SPATA31A7: variants seen among roughly 807,000 people sequenced by gnomAD.
SPATA31A7 encodes spermatogenesis-associated protein 31A7.
Under a neutral mutation model 40.5 loss-of-function variants are expected in SPATA31A7, and 2 were observed. The observed-to-expected ratio is 0.05, with a 90% CI of 0.02 to 0.16. The LOEUF (loss-of-function observed/expected upper bound fraction) is 0.16. SPATA31A7 is among the 10% of genes least tolerant of loss of function. The pLI is 1.00. For missense variants in SPATA31A7, 36 were observed against 590.3 expected (o/e 0.06, Z 9.73); for synonymous variants, 17 against 231.9 (o/e 0.07, Z 8.42).
exon 4 of SPATA31A7, chr9:61,193,970 T>G: frequency 6.6e-7 from 1 of 1,507,156 alleles, no homozygotes. Flanking sequence ...AGCTTCGGGA[T>G]GAATCACCAG....
In SPATA31A7 at chr9:61,192,147, ACTTCCC is replaced by A. The variant is rs1826828774; in HGVS notation, c.308+15_308+20del. On this transcript the variant is annotated intron_variant, in intron 3 of 3. Transcript: ENST00000619167. ...GCTTTCACAACTGCAGAGGTGAGGC[ACTTCCC>A]CTTCCCTGCATCCTTCCTACCAGGG... 1 of 1,547,534 alleles carries A rather than the reference ACTTCCC, an allele frequency of 6.5e-7. No homozygotes were observed. Among genetic ancestry groups the A allele is most frequent in the Non-Finnish European group, 8.7e-7 (1 of 1,147,770 alleles).
exon 4 of SPATA31A7, chr9:61,193,908 A>T: frequency 1.3e-6 from 1 of 797,706 alleles, no homozygotes; most frequent in Non-Finnish European, 1.8e-6. Flanking sequence ...AAAGTGGATC[A>T]TCCAACACTG....
chr9:61,194,079 AG>A lies in SPATA31A7; in HGVS notation c.1996del (p.Asp666ThrfsTer21). ...ACAGAAGGTGAAGTTCCAGCTAGAG[AG>A]GGACCCGTGCCCACATCTGGGGCAA... On this transcript the variant is annotated frameshift_variant, in exon 4 of 4. Coordinates refer to ENST00000619167, the Ensembl canonical transcript of SPATA31A7. LOFTEE classifies it high-confidence loss of function. 7.2e-7 allele frequency: 1 copy of A among 1,386,196 alleles called. No homozygotes were observed. Among genetic ancestry groups the A allele is most frequent in the Non-Finnish European group, 9.6e-7 (1 of 1,044,982 alleles). 85.9% of individuals were successfully genotyped at this position (1,386,196 alleles called of 1,614,324 possible).
Position 61,192,461 on chromosome 9 carries a change from G to A in SPATA31A7, c.375G>A (p.Glu125=), listed in dbSNP as rs1457653214. ...TCTCCGGTCCAGACCCCCCAGGTGA[G>A]GTGGGTGAAAGAGCACCTGATGGAG... Residue 125 remains glutamate (E), a synonymous_variant, in exon 4 of 4, where the codon GAG becomes GAA. Coordinates refer to ENST00000619167, the Ensembl canonical transcript of SPATA31A7. 2.8e-5 allele frequency: 44 copies of A among 1,588,794 alleles called. 5 individuals are homozygous for A. The highest frequency in any genetic ancestry group is 6.9e-5 in the East Asian group (3 of 43,584).
rs1189577503 is a variant in SPATA31A7, at chr9:61,191,868, TG to T, written c.248-205del. On this transcript the variant is annotated intron_variant, in intron 2 of 3. Coordinates refer to ENST00000619167, the Ensembl canonical transcript of SPATA31A7. Reference sequence around the variant, plus strand: ...AGGGCAGTTGTGAGGACTGTGGGGGTGGGGGGTCCGTGTGTGGAAGCCCTTT... The same window carrying T: ...AGGGCAGTTGTGAGGACTGTGGGGGTGGGGGTCCGTGTGTGGAAGCCCTTT... The T allele has an allele frequency of 1.6e-5, 11 of 700,422 alleles. 1 individual carries two copies. Among genetic ancestry groups the T allele is most frequent in the Middle Eastern group, 8.5e-4 (2 of 2,366 alleles). The allele number at this position is 700,422 out of a possible 1,614,324, so 43.4% of individuals were successfully genotyped here.
Position 61,192,127 on chromosome 9 carries a change from C to G in SPATA31A7, c.296C>G (p.Ser99Ter). The G allele has an allele frequency of 6.5e-7, 1 of 1,543,258 alleles. No individual in the cohort carries two copies. The highest frequency in any genetic ancestry group is 2.4e-5 in the East Asian group (1 of 41,160). ...CTGGAGGAGACTTCGGACCTGCTTT[C>G]ACAACTGCAGAGGTGAGGCACTTCC... The change falls in exon 3 of 4, where the codon TCA (serine) becomes TGA (stop). Residue 99 changes from serine to a stop codon, truncating the protein, a stop_gained. Transcript: ENST00000619167. LOFTEE classifies it high-confidence loss of function.
chr9:61,192,456 G>C, exon 4 of SPATA31A7: 1 of 1,588,946 alleles, frequency 6.3e-7, no homozygotes, highest in South Asian at 1.1e-5. Context: ...AGACCCCCCA[G>C]GTGAGGTGGG....
chr9:61,191,442 G>T lies in SPATA31A7; in HGVS notation c.190-11G>T. 1 of 1,384,174 alleles carries T rather than the reference G, an allele frequency of 7.2e-7. No homozygotes were observed. Among genetic ancestry groups the T allele is most frequent in the Non-Finnish European group, 9.6e-7 (1 of 1,040,066 alleles). The allele number at this position is 1,384,174 out of a possible 1,614,324, so 85.7% of individuals were successfully genotyped here. On this transcript the variant is annotated splice_polypyrimidine_tract_variant and intron_variant, in intron 1 of 3. Coordinates refer to ENST00000619167, the Ensembl canonical transcript of SPATA31A7. ...CGTCATCTTGTCTCCGTACGTCATC[G>T]TGTCTCCCAGTGTCCAGTAGGGCGG...
At chr9:61,191,146 AGGTGATC>A in intron 1 of SPATA31A7, 1 of 248,310 alleles carries the variant, frequency 4.0e-6, no homozygotes, top group Non-Finnish European at 6.8e-6. Context: ...TCCTGACCTC[AGGTGATC>A]AACCCACCTT....
intron 1 of SPATA31A7, chr9:61,190,863 TTGTG>T (rs1183496440): frequency 5.5e-5 from 2 of 36,246 alleles, no homozygotes; most frequent in African/African-American, 1.9e-4. Context: ...TTTATTTTAT[TTGTG>T]TGTGTTATTT....
chr9:61,194,086 C>G, exon 4 of SPATA31A7: 1 of 1,165,060 alleles, frequency 8.6e-7, no homozygotes, highest in Non-Finnish European at 1.1e-6. Context: ...GAGAGGGACC[C>G]GTGCCCACAT....
At chr9:61,190,875 T>A (rs1826793287) in intron 1 of SPATA31A7, 1 of 25,290 alleles carries the variant, frequency 4.0e-5, no homozygotes, top group African/African-American at 1.3e-4. Context: ...GTGTGTGTTA[T>A]TTTTATTTTA....
exon 4 of SPATA31A7, chr9:61,193,088 A>G: frequency 7.4e-7 from 1 of 1,358,732 alleles, no homozygotes; most frequent in Non-Finnish European, 9.7e-7. Context: ...AAGTCACAGA[A>G]ACAGCCAAGG....
At chr9:61,193,691 C>T in exon 4 of SPATA31A7, 2 of 373,412 alleles carry the variant, frequency 5.4e-6, no homozygotes. Context: ...TGCAAGCTCT[C>T]TCCCTACCTG....
Position 61,191,320 on chromosome 9 carries a change from CT to C in SPATA31A7, c.190-132del. 1.3e-5 allele frequency: 11 copies of C among 845,524 alleles called. 1 individual carries two copies. The highest frequency in any genetic ancestry group is 1.9e-5 in the South Asian group (1 of 52,070). The allele number at this position is 845,524 out of a possible 1,614,324, so 52.4% of individuals were successfully genotyped here. ...CAAGACAGAGAGAGCCATGCGGTTC[CT>C]GAGTGCAGCATGCTGCGGCTGGGCT... On this transcript the variant is annotated intron_variant, in intron 1 of 3. Coordinates refer to ENST00000619167, the Ensembl canonical transcript of SPATA31A7.
exon 3 of SPATA31A7, chr9:61,192,131 A>T: frequency 6.5e-7 from 1 of 1,543,380 alleles, no homozygotes; most frequent in Non-Finnish European, 8.7e-7. Context: ...TGCTTTCACA[A>T]CTGCAGAGGT....
At chr9:61,191,955 G>A in intron 2 of SPATA31A7, 124 bp from the exon 3 acceptor site, 1 of 1,218,646 alleles carries the variant, frequency 8.2e-7, no homozygotes, top group Non-Finnish European at 1.1e-6. Context: ...TGTGGCTTTG[G>A]ACACAGATGG....
chr9:61,190,774 G>A (rs1476197547), intron 1 of SPATA31A7: 1 of 20,810 alleles, frequency 4.8e-5, no homozygotes, highest in African/African-American at 1.6e-4. Flanking sequence ...AGAGGAACAG[G>A]GACTGAAGGT....
Position 61,192,636 on chromosome 9 carries a change from TC to T in SPATA31A7, c.553del (p.Gln185SerfsTer9). On this transcript the variant is annotated frameshift_variant, in exon 4 of 4. Coordinates refer to ENST00000619167, the Ensembl canonical transcript of SPATA31A7. LOFTEE classifies it high-confidence loss of function. ...CACCTCAGTCTCCTCCCTAAGTGCC[TC>T]CCAGCCACCAGAACCTTCCCTTCCC... is the stretch of plus-strand genomic sequence containing the variant. 7.0e-7 allele frequency: 1 copy of T among 1,438,434 alleles called. No individual in the cohort carries two copies. Among genetic ancestry groups the T allele is most frequent in the Non-Finnish European group, 9.2e-7 (1 of 1,082,852 alleles). The allele number at this position is 1,438,434 out of a possible 1,614,324, so 89.1% of individuals were successfully genotyped here.
Sources: allele counts gnomAD v4.1 joint callset, GRCh38; gene constraint gnomAD v4.1.1; transcripts MANE v1.5; gene names NCBI Gene and HGNC (gene_info 2026-07-23, HGNC 2026-07-21).